Variants in MARCHF1 observed in about 807,000 individuals in gnomAD.
MARCHF1 encodes the protein E3 ubiquitin-protein ligase MARCHF1.
In MARCHF1, 40 loss-of-function variants were observed where a neutral mutation model predicts 54.2. That is an observed-to-expected ratio of 0.74 (90% CI 0.57 to 0.96). MARCHF1 has a LOEUF of 0.96. MARCHF1 is among the 40% of genes least tolerant of loss of function. The pLI, the probability that MARCHF1 is intolerant of heterozygous loss-of-function variation, is 0.00. For missense variants in MARCHF1, 586 were observed against 656.5 expected (o/e 0.89, Z 1.17); for synonymous variants, 236 against 236.3 (o/e 1.00, Z 0.01).
intron 8 of MARCHF1, among the ~76,000 whole-genome samples, chr4:163,581,493 T>C (rs80312376): frequency 0.019 from 2,843 of 152,264 alleles, 78 homozygotes; most frequent in African/African-American, 0.063. Flanking sequence ...TATCCCTTTT[T>C]CTCTTCAATT....
chr4:164,190,479 G>A (rs1299870532), intron 1 of MARCHF1: 1 of 311,718 alleles, frequency 3.2e-6, no homozygotes, highest in East Asian at 6.2e-5. Context: ...CCAAGTGGCT[G>A]TTTACGGCTT....
chr4:164,303,219 A>C (rs747286345), intron 1 of MARCHF1, among the ~76,000 whole-genome samples: 1 of 152,162 alleles, frequency 6.6e-6, no homozygotes, highest in Non-Finnish European at 1.5e-5. Flanking sequence ...CCTTCTTCCA[A>C]TCTTATGACC....
rs193293573 is a variant in MARCHF1 at position 163,734,469 on chromosome 4, C to T, written c.112-33606G>A. 1.9e-3 allele frequency among the ~76,000 whole-genome samples: 281 copies of T among 145,678 alleles called. 2 individuals are homozygous for T. Among genetic ancestry groups the T allele is most frequent in the African/African-American group, 6.9e-3 (274 of 39,952 alleles). ...TATACGATGACATCTTATTTATCAA[C>T]AAAAATGAATGAACGGCTGACACAC... is the stretch of plus-strand genomic sequence containing the variant. On this transcript the variant is annotated intron_variant, in intron 4 of 9. Coordinates refer to ENST00000514618, the MANE Select transcript of MARCHF1 (RefSeq NM_001394959.1).
chr4:164,088,944 T>G (rs971175978), intron 2 of MARCHF1, among the ~76,000 whole-genome samples: 7 of 152,198 alleles, frequency 4.6e-5, no homozygotes, highest in Non-Finnish European at 1.0e-4. Context: ...TACAAACATA[T>G]GGATAATTCT....
At position 163,922,191 on chromosome 4, in the gene MARCHF1, C is replaced by T. The variant is rs146535913; in HGVS notation, c.-39+66310G>A. Among the ~76,000 whole-genome samples, 445 of 136,544 alleles carry T rather than the reference C, an allele frequency of 3.3e-3. 2 individuals are homozygous for T. Among genetic ancestry groups the T allele is most frequent in the African/African-American group, 0.012 (436 of 36,208 alleles). 89.6% of individuals were successfully genotyped at this position (136,544 alleles called of 152,430 possible). A position where few individuals can be genotyped will look rare whatever the true frequency, so the allele number is the denominator to read the frequency against. ...GGGAACACATGGATGCGGGGGGGAGCATCACACGCCGGGGCCTGTTGTGGG... is the reference window on the plus strand; with the variant it reads ...GGGAACACATGGATGCGGGGGGGAGTATCACACGCCGGGGCCTGTTGTGGG... On this transcript the variant is annotated intron_variant, in intron 3 of 9. Transcript: ENST00000514618.
intron 1 of MARCHF1, among the ~76,000 whole-genome samples, chr4:164,280,110 A>T (rs1425266426): frequency 6.6e-6 from 1 of 151,884 alleles, no homozygotes; most frequent in Admixed American, 6.6e-5. Flanking sequence ...GAGGTTAAAA[A>T]CCTCTACTGG....
chr4:164,242,468 A>G (rs1364832042), intron 1 of MARCHF1, among the ~76,000 whole-genome samples: 6 of 146,188 alleles, frequency 4.1e-5, no homozygotes, highest in Non-Finnish European at 1.5e-5. Context: ...CACACCAAAA[A>G]CCCATCTGTA....
chr4:164,108,329 G>A (rs1229388537), intron 2 of MARCHF1, among the ~76,000 whole-genome samples: 2 of 151,868 alleles, frequency 1.3e-5, no homozygotes, highest in Non-Finnish European at 2.9e-5. Context: ...CTGTAATAAC[G>A]ATTTTTTACT....
At chr4:163,717,190 C>G (rs1745290788) in intron 4 of MARCHF1, among the ~76,000 whole-genome samples, 1 of 137,682 alleles carries the variant, frequency 7.3e-6, no homozygotes, top group Admixed American at 8.0e-5. Flanking sequence ...TGTTCCTCTT[C>G]CTGTGTCCAT....
At chr4:164,351,861 G>GA (rs1300013822) in intron 1 of MARCHF1, among the ~76,000 whole-genome samples, 14 of 151,458 alleles carry the variant, frequency 9.2e-5, no homozygotes, top group Non-Finnish European at 1.6e-4. Flanking sequence ...TGAAAACTTT[G>GA]AAAAAAATTT....
At chr4:163,828,088 C>T (rs780775029) in intron 4 of MARCHF1, among the ~76,000 whole-genome samples, 1 of 151,306 alleles carries the variant, frequency 6.6e-6, no homozygotes, top group Non-Finnish European at 1.5e-5. Context: ...CTCCTCAGCA[C>T]TTCTGATGTT....
At chr4:163,658,563 G>A (rs1313551308) in intron 5 of MARCHF1, among the ~76,000 whole-genome samples, 1 of 151,838 alleles carries the variant, frequency 6.6e-6, no homozygotes, top group Non-Finnish European at 1.5e-5. Flanking sequence ...TGTAACCAAA[G>A]GAATATAAAT....
At chr4:163,920,064 ATAAT>A (rs1477359493) in intron 3 of MARCHF1, among the ~76,000 whole-genome samples, 1 of 152,162 alleles carries the variant, frequency 6.6e-6, no homozygotes, top group East Asian at 1.9e-4. Flanking sequence ...GACTATTAGA[ATAAT>A]TAATTTAGAA....
At chr4:164,305,061 T>C (rs1734662025) in intron 1 of MARCHF1, among the ~76,000 whole-genome samples, 1 of 152,156 alleles carries the variant, frequency 6.6e-6, no homozygotes, top group Non-Finnish European at 1.5e-5. Context: ...TTGGCCATAC[T>C]GGACCCACTC....
intron 4 of MARCHF1, among the ~76,000 whole-genome samples, chr4:163,716,617 T>C (rs765270859): frequency 3.3e-5 from 5 of 152,214 alleles, no homozygotes; most frequent in Non-Finnish European, 5.9e-5. Flanking sequence ...TGTAGTGTTG[T>C]TCGCTCATTT....
At chr4:163,961,701 A>G (rs1429986520) in intron 3 of MARCHF1, among the ~76,000 whole-genome samples, 1 of 151,872 alleles carries the variant, frequency 6.6e-6, no homozygotes, top group Non-Finnish European at 1.5e-5. Context: ...ATATTCTCTG[A>G]TCTAAAATTT....
chr4:163,877,785 C>G (rs1750325563), intron 3 of MARCHF1, among the ~76,000 whole-genome samples: 1 of 152,166 alleles, frequency 6.6e-6, no homozygotes, highest in African/African-American at 2.4e-5. Flanking sequence ...CTCTGGTCCT[C>G]ATACAGTATA....
chr4:163,755,224 A>G (rs1746631560), intron 4 of MARCHF1, among the ~76,000 whole-genome samples: 1 of 152,212 alleles, frequency 6.6e-6, no homozygotes, highest in South Asian at 2.1e-4. Context: ...CAAACCGTTT[A>G]GATGTATTCT....
chr4:164,259,560 A>G lies in MARCHF1; in HGVS notation c.-323+124310T>C, dbSNP rs541963750. On this transcript the variant is annotated intron_variant, in intron 1 of 9. Coordinates refer to ENST00000514618, the MANE Select transcript of MARCHF1 (RefSeq NM_001394959.1). ...ACCGTGTCTCAAAAAAAAAAAAAAAAAAAAAGAAAAAAGAAAAAGAAAAAA... is the reference window on the plus strand; with the variant it reads ...ACCGTGTCTCAAAAAAAAAAAAAAAGAAAAAGAAAAAAGAAAAAGAAAAAA... 1.5e-3 allele frequency among the ~76,000 whole-genome samples: 178 copies of G among 119,058 alleles called. 3 individuals carry two copies. The East Asian group carries it at 0.015, about 10-fold the overall frequency. 78.1% of individuals were successfully genotyped at this position (119,058 alleles called of 152,430 possible). A position where few individuals can be genotyped will look rare whatever the true frequency, so the allele number is the denominator to read the frequency against.
Sources: allele counts gnomAD v4.1 joint callset (sites outside exome capture counted in the v4.1 genomes callset), GRCh38; gene constraint gnomAD v4.1.1; transcripts MANE v1.5; gene names NCBI Gene and HGNC (gene_info 2026-07-23, HGNC 2026-07-21).